CSMD1: variants seen among roughly 807,000 people sequenced by gnomAD.
The protein encoded by CSMD1 is CUB and sushi domain-containing protein 1.
CSMD1 carries 213 observed loss-of-function variants against 417.5 expected under a neutral mutation model. That is an observed-to-expected ratio of 0.51 (90% confidence interval 0.46 to 0.57). CSMD1 has a LOEUF of 0.57. Ranked by LOEUF, CSMD1 falls within the 20% of genes least tolerant of loss-of-function variation. CSMD1 has a pLI of 0.00. For synonymous variants in CSMD1, 2,862 were observed against 1,736.8 expected, an observed-to-expected ratio of 1.65 and a Z score of -16.11; for missense variants, 6,923 against 4,529.7, an observed-to-expected ratio of 1.53 and a Z score of -15.17.
chr8:2,954,249 A>C lies in CSMD1; in HGVS notation c.10014T>G (p.Val3338=), dbSNP rs1272347899. ...PVCKSKGVRE[V]NETVTKTPVP... Reference sequence around the variant, plus strand: ...CTGGAGTTTTAGTAACTGTTTCATTAACTTCTCTCACTCCTTTACCTACAA... The same window carrying C: ...CTGGAGTTTTAGTAACTGTTTCATTCACTTCTCTCACTCCTTTACCTACAA... The change falls in exon 65 of 70, where the codon GTT becomes GTG. Residue 3338 remains valine (V), a synonymous_variant. Transcript: ENST00000635120. 6.7e-7 allele frequency: 1 copy of C among 1,499,264 alleles called. No homozygotes were observed. 92.9% of individuals were successfully genotyped at this position (1,499,264 alleles called of 1,614,324 possible).
intron 46 of CSMD1, among the ~76,000 whole-genome samples, chr8:3,101,053 GTGT>G (rs1049805181): frequency 7.4e-5 from 2 of 27,174 alleles, no homozygotes; most frequent in African/African-American, 3.3e-4. Flanking sequence ...AATACGTATG[GTGT>G]TTTTTTTTTT....
At chr8:3,960,707 TTTC>T (rs1235878166) in intron 5 of CSMD1, among the ~76,000 whole-genome samples, 11 of 151,958 alleles carry the variant, frequency 7.2e-5, no homozygotes, top group African/African-American at 2.7e-4. Context: ...ATAAGATATA[TTTC>T]TTTTTAAGGA....
intron 2 of CSMD1, among the ~76,000 whole-genome samples, chr8:4,632,611 A>G (rs1200311162): frequency 6.6e-6 from 1 of 152,174 alleles, no homozygotes; most frequent in African/African-American, 2.4e-5. Flanking sequence ...ATGTTCTATT[A>G]GACATCTGAA....
intron 2 of CSMD1, among the ~76,000 whole-genome samples, chr8:4,477,409 G>A (rs576584651): frequency 1.7e-4 from 26 of 152,346 alleles, no homozygotes; most frequent in African/African-American, 5.5e-4. Flanking sequence ...GGGACTTGGT[G>A]CTGAGCAAAA....
chr8:4,201,382 C>CA lies in CSMD1; in HGVS notation c.416-169284dup, dbSNP rs1399241478. ...TGAAACCCCATCTCTACTAAAAATA[C>CA]AAAAAATTAGCCGGGGGTGGCGCTG... On this transcript the variant is annotated intron_variant, in intron 3 of 69. Coordinates refer to ENST00000635120, the MANE Select transcript of CSMD1 (RefSeq NM_033225.6). Among the ~76,000 whole-genome samples, 4 of 151,644 alleles carry CA rather than the reference C, an allele frequency of 2.6e-5. No individual in the cohort carries two copies. The East Asian group carries it at 5.9e-4, about 22-fold the overall frequency.
At chr8:4,717,116 A>T (rs757589924) in intron 1 of CSMD1, among the ~76,000 whole-genome samples, 2 of 151,854 alleles carry the variant, frequency 1.3e-5, no homozygotes, top group Admixed American at 1.3e-4. Flanking sequence ...TTTTTTTCTA[A>T]TCATGAGAAA....
rs749540113 is a variant in CSMD1 at position 3,348,063 on chromosome 8, C to G, written c.3403G>C (p.Glu1135Gln). The change falls in exon 22 of 70, where the codon GAA becomes CAA. Residue 1135 changes from glutamate (E) to glutamine (Q), a missense_variant. Glu to Gln is a conservative substitution (Grantham distance 29). Coordinates refer to ENST00000635120, the MANE Select transcript of CSMD1 (RefSeq NM_033225.6). ...DNNHECIYKI[E>Q]TEAGKGIHLR... ...TGGATGCCCTTGCCGGCTTCTGTTT[C>G]TATTTTATAGATACACTCATGGTTA... is the stretch of plus-strand genomic sequence containing the variant. The G allele has an allele frequency of 5.0e-6, 8 of 1,612,200 alleles. No homozygotes were observed. In the Admixed American group the frequency reaches 1.0e-4, roughly 20 times the overall value.
At chr8:4,396,047 A>G (rs1272213217) in intron 3 of CSMD1, among the ~76,000 whole-genome samples, 37 of 152,218 alleles carry the variant, frequency 2.4e-4, no homozygotes, top group Admixed American at 2.4e-3. Flanking sequence ...GTAGCTAGCT[A>G]TAATGTTGGC....
chr8:4,244,082 C>G (rs983828352), intron 3 of CSMD1, among the ~76,000 whole-genome samples: 1 of 152,180 alleles, frequency 6.6e-6, no homozygotes, highest in Admixed American at 6.5e-5. Flanking sequence ...TTGTGGACAG[C>G]TCTGTGCATC....
At chr8:4,123,896 A>G (rs1802620492) in intron 3 of CSMD1, among the ~76,000 whole-genome samples, 1 of 152,254 alleles carries the variant, frequency 6.6e-6, no homozygotes, top group African/African-American at 2.4e-5. Context: ...GATTCCTGAA[A>G]TCAGATTTCA....
At chr8:4,295,129 TAAG>T in intron 3 of CSMD1, among the ~76,000 whole-genome samples, 1 of 146,408 alleles carries the variant, frequency 6.8e-6, no homozygotes, top group Non-Finnish European at 1.5e-5. Flanking sequence ...CATATAATCT[TAAG>T]ATTATATAAT....
intron 2 of CSMD1, among the ~76,000 whole-genome samples, chr8:4,562,719 T>G (rs1798401978): frequency 6.6e-6 from 1 of 152,122 alleles, no homozygotes; most frequent in South Asian, 2.1e-4. Context: ...CCAGAAATCC[T>G]ACACTGACCT....
At chr8:3,884,457 C>T (rs1224923282) in intron 5 of CSMD1, among the ~76,000 whole-genome samples, 1 of 152,194 alleles carries the variant, frequency 6.6e-6, no homozygotes, top group African/African-American at 2.4e-5. Flanking sequence ...AAAATCTCAA[C>T]TGCCAGCCTG....
chr8:4,505,769 T>A (rs369635570), intron 2 of CSMD1, among the ~76,000 whole-genome samples: 1 of 152,174 alleles, frequency 6.6e-6, no homozygotes, highest in South Asian at 2.1e-4. Context: ...GTAAGTTTTG[T>A]TCTTACCAAC....
intron 3 of CSMD1, among the ~76,000 whole-genome samples, chr8:4,355,663 A>C (rs1481245429): frequency 6.6e-6 from 1 of 152,196 alleles, no homozygotes; most frequent in African/African-American, 2.4e-5. Context: ...CATGCTATAA[A>C]ACCTCCAAAG....
rs553546329 is a variant in CSMD1, at chr8:4,414,002, A to G, written c.415+5951T>C. On this transcript the variant is annotated intron_variant, in intron 3 of 69. Transcript: ENST00000635120. The stretch of plus-strand genomic sequence containing the variant: ...AATGTTACACTATGGGCTAATGGAG[A>G]GCCAGCTGCTCTTCTTGTGCTAGCA... Among the ~76,000 whole-genome samples, 6 of 152,298 alleles carry G rather than the reference A, an allele frequency of 3.9e-5. No individual in the cohort carries two copies. In the South Asian group the frequency reaches 1.2e-3, roughly 32 times the overall value.
chr8:3,046,622 C>T (rs1245454061), intron 50 of CSMD1, among the ~76,000 whole-genome samples: 2 of 152,044 alleles, frequency 1.3e-5, no homozygotes, highest in African/African-American at 2.4e-5. Flanking sequence ...TACAGTGTAC[C>T]CCCAGGCAGG....
intron 6 of CSMD1, among the ~76,000 whole-genome samples, chr8:3,752,947 A>G (rs901910990): frequency 6.6e-6 from 1 of 152,186 alleles, no homozygotes; most frequent in African/African-American, 2.4e-5. Flanking sequence ...CAGTTTGTTG[A>G]AAAATTACTA....
intron 8 of CSMD1, among the ~76,000 whole-genome samples, chr8:3,610,397 C>G: frequency 6.6e-6 from 1 of 152,080 alleles, no homozygotes; most frequent in Middle Eastern, 3.2e-3. Context: ...TTAATTGAGT[C>G]AGTGGCTCAT....
Sources: allele counts gnomAD v4.1 joint callset (sites outside exome capture counted in the v4.1 genomes callset), GRCh38; gene constraint gnomAD v4.1.1; transcripts MANE v1.5; gene names NCBI Gene and HGNC (gene_info 2026-07-23, HGNC 2026-07-21).